The following TRPC5 variants were observed in gnomAD, a reference collection of about 807,000 sequenced individuals.
TRPC5 encodes the protein transient receptor potential cation channel subfamily C member 5.
In TRPC5, 9 loss-of-function variants were observed where a neutral mutation model predicts 56.5. That is an observed-to-expected ratio of 0.16 (90% confidence interval 0.10 to 0.28). The LOEUF is 0.28. TRPC5 is among the 10% of genes least tolerant of loss of function. The pLI, the probability that TRPC5 is intolerant of heterozygous loss-of-function variation, is 1.00. For missense variants in TRPC5, 469 were observed against 748.9 expected, an observed-to-expected ratio of 0.63 and a Z score of 4.36; for synonymous variants, 282 against 278.5, an observed-to-expected ratio of 1.01 and a Z score of -0.13.
intron 7 of TRPC5, among the ~76,000 whole-genome samples, chrX:111,792,478 T>TA (rs1030931101): frequency 8.1e-5 from 9 of 110,741 alleles, no homozygotes; most frequent in South Asian, 3.9e-4. Flanking sequence ...TTTAAAAAAT[T>TA]AAAAAAAAGC....
Position 111,770,672 on chromosome X carries a change from C to G in TRPC5, c.*5641G>C, listed in dbSNP as rs945020728. Among the ~76,000 whole-genome samples the G allele has an allele frequency of 4.5e-5, 5 of 111,342 alleles. No homozygotes were observed. The highest frequency in any genetic ancestry group is 9.6e-5 in the Admixed American group (1 of 10,415). ...CTATCACCATCTAAGTTTCCCAATC[C>G]CAGCAAAAATCCAAAGCCTCCTTTC... is the stretch of plus-strand genomic sequence containing the variant. On this transcript the variant is annotated 3_prime_UTR_variant, in exon 11 of 11. Transcript: ENST00000262839.
rs1165003054 is a variant in TRPC5, at chrX:111,768,101, CATTAAG to C, written c.*8206_*8211del. On this transcript the variant is annotated 3_prime_UTR_variant, in exon 11 of 11. Coordinates refer to ENST00000262839, the MANE Select transcript of TRPC5 (RefSeq NM_012471.3). ...TTATTGTACAAGATTCTTTTTAATA[CATTAAG>C]ATTGACACTGTGCACTTACAGAAAG... Among the ~76,000 whole-genome samples, 7 of 112,080 alleles carry C rather than the reference CATTAAG, an allele frequency of 6.2e-5. No homozygotes were observed. The highest frequency in any genetic ancestry group is 2.3e-4 in the African/African-American group (7 of 30,922).
At chrX:111,975,508 T>C (rs752996923) in intron 1 of TRPC5, among the ~76,000 whole-genome samples, 1 of 111,000 alleles carries the variant, frequency 9.0e-6, no homozygotes, top group East Asian at 2.8e-4. Flanking sequence ...ACATGTGCCA[T>C]GTTGGTTTGC....
chrX:111,829,343 G>T (rs1415884748), intron 7 of TRPC5, among the ~76,000 whole-genome samples: 1 of 105,805 alleles, frequency 9.5e-6, no homozygotes, highest in Non-Finnish European at 1.9e-5. Context: ...AAAATTTGCA[G>T]CCTGAAAATG....
chrX:112,015,607 T>G (rs1376551257), intron 1 of TRPC5, among the ~76,000 whole-genome samples: 1 of 111,407 alleles, frequency 9.0e-6, no homozygotes, highest in African/African-American at 3.3e-5. Context: ...GGGGCACAAT[T>G]CGCGTCATCC....
At chrX:112,004,190 A>C (rs534333852) in intron 1 of TRPC5, among the ~76,000 whole-genome samples, 1 of 111,878 alleles carries the variant, frequency 8.9e-6, no homozygotes, top group South Asian at 3.8e-4. Flanking sequence ...TCCATGTTGC[A>C]CTTAATTAAC....
chrX:112,049,456 T>C (rs868859709), intron 1 of TRPC5, among the ~76,000 whole-genome samples: 15 of 105,770 alleles, frequency 1.4e-4, no homozygotes, highest in Admixed American at 1.1e-3. Context: ...CACACACACA[T>C]ATATATACTA....
At chrX:111,970,094 AT>A (rs1456827131) in intron 1 of TRPC5, among the ~76,000 whole-genome samples, 11 of 111,084 alleles carry the variant, frequency 9.9e-5, no homozygotes, top group Non-Finnish European at 1.7e-4. Flanking sequence ...CCTTCAAATA[AT>A]ATCCAAGTTT....
intron 3 of TRPC5, among the ~76,000 whole-genome samples, chrX:111,904,607 G>T (rs1167745391): frequency 4.5e-5 from 5 of 110,609 alleles, no homozygotes; most frequent in Non-Finnish European, 9.4e-5. Flanking sequence ...CACAGGGAGG[G>T]GAGCAACACA....
intron 7 of TRPC5, among the ~76,000 whole-genome samples, chrX:111,802,089 A>T (rs751810080): frequency 2.7e-5 from 3 of 112,062 alleles, no homozygotes; most frequent in Non-Finnish European, 5.6e-5. Flanking sequence ...ACTCTTTTGC[A>T]TGTGGAAATC....
intron 1 of TRPC5, among the ~76,000 whole-genome samples, chrX:111,963,872 GA>G (rs746937920): frequency 1.8e-5 from 2 of 111,298 alleles, no homozygotes; most frequent in Admixed American, 9.6e-5. Flanking sequence ...CAAAGATGGG[GA>G]AAAAACAGAG....
intron 2 of TRPC5, among the ~76,000 whole-genome samples, chrX:111,948,119 G>T (rs546198990): frequency 8.9e-6 from 1 of 111,795 alleles, no homozygotes; most frequent in South Asian, 3.7e-4. Flanking sequence ...TTGCAATTTT[G>T]GTTTTGTTAT....
intron 7 of TRPC5, among the ~76,000 whole-genome samples, chrX:111,793,708 C>A (rs765725625): frequency 3.6e-4 from 40 of 111,300 alleles, no homozygotes; most frequent in African/African-American, 1.2e-3. Flanking sequence ...AGGTATATAC[C>A]CAAGAGAAAT....
intron 7 of TRPC5, among the ~76,000 whole-genome samples, chrX:111,783,912 T>G (rs1945939697): frequency 8.9e-6 from 1 of 112,075 alleles, no homozygotes; most frequent in South Asian, 3.7e-4. Flanking sequence ...AAGATATGCC[T>G]TTAGTTCTAT....
Position 112,018,218 on chromosome X carries a change from C to A in TRPC5, c.-22+63661G>T, listed in dbSNP as rs903857996. Reference sequence around the variant, plus strand: ...CTGTCAGCTCCATGAGGGCAGAAACCTTTTCTGTCTTGCCCATCATGGTGT... The same window carrying A: ...CTGTCAGCTCCATGAGGGCAGAAACATTTTCTGTCTTGCCCATCATGGTGT... On this transcript the variant is annotated intron_variant, in intron 1 of 10. Coordinates refer to ENST00000262839, the MANE Select transcript of TRPC5 (RefSeq NM_012471.3). Among the ~76,000 whole-genome samples the A allele has an allele frequency of 2.7e-5, 3 of 112,403 alleles. No individual in the cohort carries two copies. The South Asian group carries it at 1.1e-3, about 42-fold the overall frequency.
intron 3 of TRPC5, among the ~76,000 whole-genome samples, chrX:111,864,019 C>G (rs985040154): frequency 1.2e-4 from 13 of 111,229 alleles, no homozygotes; most frequent in Non-Finnish European, 1.9e-4. Flanking sequence ...TGGAGTCTTG[C>G]TCTGTTGCCC....
At chrX:111,832,717 C>T (rs3027681) in intron 7 of TRPC5, among the ~76,000 whole-genome samples, 13,598 of 110,791 alleles carry the variant, frequency 0.12, 1,880 homozygotes, top group African/African-American at 0.41. Context: ...ATGGTATAGA[C>T]TCCATTTAGG....
chrX:111,904,618 C>T (rs1309455609), intron 3 of TRPC5, among the ~76,000 whole-genome samples: 1 of 110,129 alleles, frequency 9.1e-6, no homozygotes, highest in East Asian at 2.9e-4. Context: ...GAGCAACACA[C>T]GCTGGGGCCT....
intron 2 of TRPC5, among the ~76,000 whole-genome samples, chrX:111,947,162 A>T (rs1419328533): frequency 9.0e-6 from 1 of 110,957 alleles, no homozygotes; most frequent in Non-Finnish European, 1.9e-5. Flanking sequence ...TTGTCTCAGA[A>T]CTTCTGTGCT....
Sources: gnomAD v4.1 joint callset for allele counts (sites outside exome capture counted in the v4.1 genomes callset) on GRCh38, gnomAD v4.1.1 for gene constraint, MANE v1.5 for transcripts, NCBI Gene and HGNC (gene_info 2026-07-23, HGNC 2026-07-21) for gene names.